The following COL6A6 variants were observed in gnomAD, a reference collection of about 807,000 sequenced individuals.
COL6A6 encodes collagen alpha-6(VI) chain.
In COL6A6, 183 loss-of-function variants were observed where a neutral mutation model predicts 208.6. The observed-to-expected ratio is 0.88, with a 90% CI of 0.78 to 0.99. The LOEUF is 0.99. Among genes scored for constraint, COL6A6 ranks in the 50% least tolerant of loss-of-function variants. COL6A6 has a pLI of 0.00. For synonymous variants in COL6A6, 973 were observed against 1,011.8 expected, an observed-to-expected ratio of 0.96 and a Z score of 0.73; for missense variants, 2,816 against 2,815.2, an observed-to-expected ratio of 1.00 and a Z score of -0.01.
chr3:130,651,076 T>C (rs1475929464), intron 33 of COL6A6, among the ~76,000 whole-genome samples: 1 of 152,168 alleles, frequency 6.6e-6, no homozygotes, highest in Non-Finnish European at 1.5e-5. Context: ...CTAGAGTTAG[T>C]GTGAAGATTA....
intron 24 of COL6A6, among the ~76,000 whole-genome samples, chr3:130,622,672 A>G (rs967885486): frequency 6.6e-6 from 1 of 151,756 alleles, no homozygotes; most frequent in South Asian, 2.1e-4. Flanking sequence ...CCTGGCTAAC[A>G]TGGTGAAACC....
rs1467077827 is a variant in COL6A6 at position 130,628,755 on chromosome 3, G to C, written c.4992+1386G>C. On this transcript the variant is annotated intron_variant, in intron 26 of 36. Coordinates refer to ENST00000358511, the MANE Select transcript of COL6A6 (RefSeq NM_001102608.3). ...TGTCGAAGATGGCCGAATAGGAACA[G>C]CTCCGGTCTACAGCTCCCTGCGTGA... 1.2e-4 allele frequency among the ~76,000 whole-genome samples: 8 copies of C among 65,322 alleles called. No homozygotes were observed. In the South Asian group the frequency reaches 3.6e-3, roughly 29 times the overall value. 42.9% of individuals were successfully genotyped at this position (65,322 alleles called of 152,430 possible).
intron 28 of COL6A6, among the ~76,000 whole-genome samples, chr3:130,637,293 T>A (rs969164689): frequency 6.6e-6 from 1 of 150,674 alleles, no homozygotes; most frequent in Non-Finnish European, 1.5e-5. Flanking sequence ...TATCTCTGGA[T>A]CATTTATTTC....
At chr3:130,642,602 C>T (rs56100827) in intron 29 of COL6A6, among the ~76,000 whole-genome samples, 6,784 of 152,192 alleles carry the variant, frequency 0.045, 463 homozygotes, top group African/African-American at 0.15. Flanking sequence ...CGGAGGAAAG[C>T]GGCCTCTCAA....
chr3:130,567,948 A>G (rs1267880077), intron 5 of COL6A6, 99 bp from the exon 6 acceptor site: 2 of 778,972 alleles, frequency 2.6e-6, no homozygotes, highest in African/African-American at 1.7e-5. Flanking sequence ...CTAAGTACAC[A>G]TGTCAATATA....
chr3:130,517,166 G>A (rs1710779463), upstream of COL6A6, among the ~76,000 whole-genome samples: 1 of 152,208 alleles, frequency 6.6e-6, no homozygotes, highest in South Asian at 2.1e-4. Flanking sequence ...TCGGCGAGGG[G>A]CGTGGGAGCT....
intron 36 of COL6A6, among the ~76,000 whole-genome samples, chr3:130,667,990 A>G (rs1158859473): frequency 6.6e-6 from 1 of 151,784 alleles, no homozygotes; most frequent in Non-Finnish European, 1.5e-5. Context: ...TAAAAAAACA[A>G]CAATGTAATA....
rs369326132 is a variant in COL6A6, at chr3:130,594,354, G to A, written c.4533+11G>A. On this transcript the variant is annotated intron_variant, in intron 18 of 36. Coordinates refer to ENST00000358511, the MANE Select transcript of COL6A6 (RefSeq NM_001102608.3). ...CTGCGAGGGGATCCCGTAAGTGCAC[G>A]GGCTGCAAACTGGAGTTAGGGCTTG... is the stretch of plus-strand genomic sequence containing the variant. 1.6e-4 allele frequency: 262 copies of A among 1,609,548 alleles called. No individual in the cohort carries two copies. The highest frequency in any genetic ancestry group is 2.0e-4 in the Non-Finnish European group (233 of 1,177,702).
intron 31 of COL6A6, 99 bp from the exon 32 acceptor site, chr3:130,644,892 A>C (rs2065423507): frequency 9.0e-7 from 1 of 1,114,370 alleles, no homozygotes; most frequent in African/African-American, 1.6e-5. Context: ...TGAGTCATCT[A>C]CAAAAAGCAG....
chr3:130,593,051 A>G lies in COL6A6; in HGVS notation c.4372-10A>G, dbSNP rs564567161. 7 of 1,612,420 alleles carry G rather than the reference A, an allele frequency of 4.3e-6. No homozygotes were observed. In the African/African-American group the frequency reaches 8.0e-5, roughly 18 times the overall value. ...GATGTACTCTGTTCTAATCATATCT[A>G]TCTTTTCAGGGAGAAGTTGGGGAAA... On this transcript the variant is annotated splice_polypyrimidine_tract_variant and intron_variant, in intron 15 of 36. Coordinates refer to ENST00000358511, the MANE Select transcript of COL6A6 (RefSeq NM_001102608.3).
chr3:130,549,523 G>T (rs1304781140), intron 1 of COL6A6, among the ~76,000 whole-genome samples: 2 of 151,774 alleles, frequency 1.3e-5, no homozygotes, highest in Non-Finnish European at 2.9e-5. Context: ...GTACTTGAGG[G>T]TTTTACATTT....
intron 28 of COL6A6, among the ~76,000 whole-genome samples, chr3:130,638,700 T>C (rs2403317): frequency 0.37 from 55,870 of 152,254 alleles, 13,418 homozygotes; most frequent in African/African-American, 0.66. Flanking sequence ...ATATTTTGGA[T>C]TGGATATTCC....
intron 33 of COL6A6, among the ~76,000 whole-genome samples, chr3:130,655,556 T>C (rs978522320): frequency 2.0e-5 from 3 of 152,222 alleles, no homozygotes; most frequent in African/African-American, 7.2e-5. Context: ...ATGATCCCAG[T>C]TGCTGTGAGA....
chr3:130,568,625 T>G, intron 6 of COL6A6, 21 bp downstream of exon 6: 1 of 1,557,578 alleles, frequency 6.4e-7, no homozygotes, highest in Non-Finnish European at 8.7e-7. Context: ...GCATACTCAC[T>G]AGCAGGACTA....
In COL6A6 at chr3:130,565,065, T is replaced by A. The variant is rs202020243; in HGVS notation, c.733T>A (p.Phe245Ile). Residue 245 changes from phenylalanine to isoleucine, a missense_variant, in exon 4 of 37, where the codon TTT becomes ATT. Physicochemically the swap from Phe to Ile is conservative, Grantham distance 21 (BLOSUM62 0). Transcript: ENST00000358511. ...GTCAATCAATGGAAGTGAGGAGAAC[T>A]TTGACTATCTTAAAGGATTCTTGGA... The part of the protein sequence containing the change: ...DMSINGSEEN[F>I]DYLKGFLEES... 3.8e-5 allele frequency: 62 copies of A among 1,613,994 alleles called. No individual in the cohort carries two copies. In the East Asian group the frequency reaches 1.3e-3, roughly 35 times the overall value.
chr3:130,554,243 C>T (rs557912179), intron 1 of COL6A6, among the ~76,000 whole-genome samples: 1 of 152,180 alleles, frequency 6.6e-6, no homozygotes, highest in African/African-American at 2.4e-5. Context: ...GGTGCCAGCT[C>T]TTGTGCAGGT....
In COL6A6 at chr3:130,662,072, C is replaced by A; in HGVS notation, c.6266C>A (p.Ser2089Tyr). Reference protein sequence around the residue: ...LRRNKVIFVISAGETSHLDGE... With the variant: ...LRRNKVIFVIYAGETSHLDGE... ...AGAAACAAAGTCATATTTGTGATAT[C>A]TGCTGGGGAAACCAGCCACTTAGAT... The change falls in exon 35 of 37, where the codon TCT (serine) becomes TAT (tyrosine). Residue 2089 changes from serine (S) to tyrosine (Y), a missense_variant. By Grantham distance (144) the Ser-to-Tyr change is moderately radical. Coordinates refer to ENST00000358511, the MANE Select transcript of COL6A6 (RefSeq NM_001102608.3). 6.2e-7 allele frequency: 1 copy of A among 1,614,030 alleles called. No homozygotes were observed.
chr3:130,543,185 T>G (rs2062413784), intron 1 of COL6A6, among the ~76,000 whole-genome samples: 1 of 152,156 alleles, frequency 6.6e-6, no homozygotes, highest in Admixed American at 6.5e-5. Context: ...ATTACAGGTG[T>G]GAGCCACCGT....
rs573271176 is a variant in COL6A6, at chr3:130,614,791, G to T, written c.4815+4080G>T. 5.3e-5 allele frequency among the ~76,000 whole-genome samples: 8 copies of T among 152,102 alleles called. No individual in the cohort carries two copies. In the East Asian group the frequency reaches 1.5e-3, roughly 29 times the overall value. ...ATTACTTCTGGATCTTCTAGTTTGTGTGCATAGAGGTGTTCATAGTAATCT... is the reference window on the plus strand; with the variant it reads ...ATTACTTCTGGATCTTCTAGTTTGTTTGCATAGAGGTGTTCATAGTAATCT... On this transcript the variant is annotated intron_variant, in intron 23 of 36. Coordinates refer to ENST00000358511, the MANE Select transcript of COL6A6 (RefSeq NM_001102608.3).
Sources: allele counts gnomAD v4.1 joint callset (sites outside exome capture counted in the v4.1 genomes callset), GRCh38; gene constraint gnomAD v4.1.1; transcripts MANE v1.5; gene names NCBI Gene and HGNC (gene_info 2026-07-23, HGNC 2026-07-21).